RYR3: variants seen among roughly 807,000 people sequenced by gnomAD.
RYR3 encodes the protein ryanodine receptor 3, also known as brain ryanodine receptor-calcium release channel.
A neutral mutation model predicts 584.3 loss-of-function variants in RYR3; 207 were observed. That is an observed-to-expected ratio of 0.35 (90% confidence interval 0.32 to 0.40). The LOEUF is 0.40. Ranked by LOEUF, RYR3 falls within the 10% of genes least tolerant of loss-of-function variation. The pLI, the probability that RYR3 is intolerant of heterozygous loss-of-function variation, is 1.00. For missense variants in RYR3, 5,616 were observed against 6,089.2 expected (o/e 0.92, Z 2.59); for synonymous variants, 2,416 against 2,248.5 (o/e 1.07, Z -2.11).
chr15:33,369,988 CA>C (rs1455536905), intron 1 of RYR3, among the ~76,000 whole-genome samples: 2 of 152,206 alleles, frequency 1.3e-5, no homozygotes, highest in African/African-American at 4.8e-5. Context: ...GGAAAATGCT[CA>C]TCAATGTATA....
intron 1 of RYR3, among the ~76,000 whole-genome samples, chr15:33,367,801 C>T (rs971993682): frequency 5.3e-5 from 8 of 152,100 alleles, no homozygotes; most frequent in African/African-American, 1.9e-4. Context: ...ATAACATATG[C>T]CCCTAAATTC....
chr15:33,858,230 G>GT (rs1289358022), intron 99 of RYR3: 1 of 260,100 alleles, frequency 3.8e-6, no homozygotes, highest in Non-Finnish European at 7.4e-6. Flanking sequence ...TTGAGATGGA[G>GT]TTTTGCTTTT....
chr15:33,557,658 C>T (rs746006877), intron 10 of RYR3, among the ~76,000 whole-genome samples: 18 of 152,192 alleles, frequency 1.2e-4, no homozygotes, highest in Non-Finnish European at 1.9e-4. Context: ...GCTGGGATTA[C>T]AGGCATGAGC....
At chr15:33,599,285 A>G (rs1408586153) in intron 16 of RYR3, among the ~76,000 whole-genome samples, 1 of 152,186 alleles carries the variant, frequency 6.6e-6, no homozygotes, top group Non-Finnish European at 1.5e-5. Flanking sequence ...AACCCAGAAA[A>G]TCTGAGACAG....
chr15:33,465,104 G>C (rs192769963), intron 1 of RYR3, among the ~76,000 whole-genome samples: 164 of 152,194 alleles, frequency 1.1e-3, no homozygotes, highest in Non-Finnish European at 2.1e-3. Context: ...ATATTTCACT[G>C]TGTGTGTGTG....
chr15:33,514,690 A>T (rs2053346434), intron 3 of RYR3, among the ~76,000 whole-genome samples: 1 of 151,628 alleles, frequency 6.6e-6, no homozygotes, highest in East Asian at 1.9e-4. Flanking sequence ...TTTCAGAATC[A>T]CTGCTAGGGT....
intron 55 of RYR3, among the ~76,000 whole-genome samples, chr15:33,748,999 A>G (rs945862769): frequency 6.6e-6 from 1 of 152,258 alleles, no homozygotes; most frequent in Admixed American, 6.5e-5. Flanking sequence ...TATTGCTTAG[A>G]GAATAATGAC....
chr15:33,336,441 A>G (rs1446466890), intron 1 of RYR3, among the ~76,000 whole-genome samples: 2,554 of 9,372 alleles, frequency 0.27, 427 homozygotes, highest in African/African-American at 0.37. Context: ...AAAGAAAGAA[A>G]GAGAGAGAGA....
intron 19 of RYR3, among the ~76,000 whole-genome samples, chr15:33,621,148 C>T (rs1279735214): frequency 6.6e-6 from 1 of 152,088 alleles, no homozygotes; most frequent in African/African-American, 2.4e-5. Context: ...GATTTTAAAA[C>T]CTAAGAGAAA....
At position 33,826,877 on chromosome 15, in the gene RYR3, A is replaced by G. The variant is rs144887104; in HGVS notation, c.11245+125A>G. The stretch of plus-strand genomic sequence containing the variant: ...AGGACATCAGTTAATGCGTTCCTCA[A>G]TAAGAAACTATGTAAATATCATGGC... On this transcript the variant is annotated intron_variant, in intron 84 of 103. Coordinates refer to ENST00000634891, the MANE Select transcript of RYR3 (RefSeq NM_001036.6). 6.5e-5 allele frequency: 46 copies of G among 711,080 alleles called. No homozygotes were observed. The African/African-American group carries it at 7.8e-4, about 12-fold the overall frequency. The allele number at this position is 711,080 out of a possible 1,614,324, so 44.0% of individuals were successfully genotyped here. A position where few individuals can be genotyped will look rare whatever the true frequency, so the allele number is the denominator to read the frequency against.
chr15:33,533,635 T>A (rs2055067546), intron 5 of RYR3, among the ~76,000 whole-genome samples: 2 of 152,202 alleles, frequency 1.3e-5, no homozygotes, highest in African/African-American at 4.8e-5. Flanking sequence ...AAAACAAATC[T>A]TTAACGTTGT....
chr15:33,368,698 C>G (rs1567108762), intron 1 of RYR3, among the ~76,000 whole-genome samples: 1 of 152,068 alleles, frequency 6.6e-6, no homozygotes, highest in South Asian at 2.1e-4. Flanking sequence ...TTCCCATGCA[C>G]CTTGTCGGAG....
chr15:33,716,842 C>T (rs888393957), intron 43 of RYR3, among the ~76,000 whole-genome samples: 1 of 147,464 alleles, frequency 6.8e-6, no homozygotes, highest in Non-Finnish European at 1.5e-5. Flanking sequence ...AAGCCTGATA[C>T]TTCAATAAAA....
intron 12 of RYR3, among the ~76,000 whole-genome samples, chr15:33,573,794 T>G (rs138865839): frequency 1.1e-3 from 168 of 152,332 alleles, no homozygotes; most frequent in Non-Finnish European, 2.1e-3. Flanking sequence ...CTCTATACAT[T>G]GGGCTTTACT....
At chr15:33,599,392 G>A (rs1342717410) in intron 16 of RYR3, among the ~76,000 whole-genome samples, 6 of 152,154 alleles carry the variant, frequency 3.9e-5, no homozygotes, top group Admixed American at 1.3e-4. Flanking sequence ...AAGGTGGTCT[G>A]AGCACAGCTT....
At chr15:33,845,088 A>G in intron 93 of RYR3, 26 bp downstream of exon 93, 1 of 1,609,894 alleles carries the variant, frequency 6.2e-7, no homozygotes, top group Non-Finnish European at 8.5e-7. Flanking sequence ...CTCTGGATCT[A>G]ATCTCACTCC....
intron 1 of RYR3, among the ~76,000 whole-genome samples, chr15:33,402,909 CT>C (rs2042775218): frequency 6.6e-6 from 1 of 152,234 alleles, no homozygotes; most frequent in Non-Finnish European, 1.5e-5. Flanking sequence ...TGTTGGGAAT[CT>C]GACCACAGCT....
intron 47 of RYR3, among the ~76,000 whole-genome samples, chr15:33,730,022 G>T (rs2068808250): frequency 6.6e-6 from 1 of 151,738 alleles, no homozygotes; most frequent in Non-Finnish European, 1.5e-5. Flanking sequence ...CAGTATTAGG[G>T]TATACGATCC....
At chr15:33,714,627 C>A (rs140307425) in intron 43 of RYR3, among the ~76,000 whole-genome samples, 41 of 152,316 alleles carry the variant, frequency 2.7e-4, no homozygotes, top group African/African-American at 8.4e-4. Context: ...AAAAGTTATT[C>A]TGTGTTTTCT....
Sources: allele counts gnomAD v4.1 joint callset (sites outside exome capture counted in the v4.1 genomes callset), GRCh38; gene constraint gnomAD v4.1.1; transcripts MANE v1.5; gene names NCBI Gene and HGNC (gene_info 2026-07-23, HGNC 2026-07-21).